The following TCHP variants were observed in gnomAD, a reference collection of about 807,000 sequenced individuals.
TCHP encodes the protein trichoplein keratin filament-binding protein.
TCHP carries 81 observed loss-of-function variants against 88.7 expected under a neutral mutation model. That is an observed-to-expected ratio of 0.91 (90% CI 0.76 to 1.10). The LOEUF (loss-of-function observed/expected upper bound fraction) is 1.10. TCHP is among the 50% of genes least tolerant of loss of function. The pLI is 0.00. For missense variants in TCHP, 641 were observed against 632.1 expected, an observed-to-expected ratio of 1.01 and a Z score of -0.15; for synonymous variants, 232 against 232.5, an observed-to-expected ratio of 1.00 and a Z score of 0.02.
At position 109,903,754 on chromosome 12, in the gene TCHP, G is replaced by A. The variant is rs1869951279; in HGVS notation, c.189-183G>A. On this transcript the variant is annotated intron_variant, in intron 2 of 12. Coordinates refer to ENST00000405876, the MANE Select transcript of TCHP (RefSeq NM_001143852.2). This position sits in a 1 kb window ranked among gnomAD's most constrained non-coding sequence, Gnocchi z 4.6. Reference sequence around the variant, plus strand: ...TTATACATTTATACATTTTCTTTTTGCAAAAAACAAGATTTTCTCTTACAC... The same window carrying A: ...TTATACATTTATACATTTTCTTTTTACAAAAAACAAGATTTTCTCTTACAC... 6.6e-6 allele frequency among the ~76,000 whole-genome samples: 1 copy of A among 151,988 alleles called. No homozygotes were observed. Among genetic ancestry groups the A allele is most frequent in the Admixed American group, 6.5e-5 (1 of 15,272 alleles).
intron 1 of TCHP, among the ~76,000 whole-genome samples, chr12:109,902,541 T>A (rs1939227442): frequency 6.6e-6 from 1 of 151,862 alleles, no homozygotes; most frequent in East Asian, 1.9e-4. Flanking sequence ...TGGGACAATC[T>A]TGGTTCACTG....
At chr12:109,896,196 C>T (rs977756365), upstream of TCHP, among the ~76,000 whole-genome samples, 1 of 152,188 alleles carries the variant, frequency 6.6e-6, no homozygotes, top group Non-Finnish European at 1.5e-5. Context: ...ATCCATCCGC[C>T]TTGGCCTCCC....
At position 109,905,200 on chromosome 12, in the gene TCHP, A is replaced by T. The variant is rs74725261; in HGVS notation, c.456+407A>T. Among the ~76,000 whole-genome samples, 1,347 of 152,140 alleles carry T rather than the reference A, an allele frequency of 8.9e-3. 23 individuals are homozygous for T. The highest frequency in any genetic ancestry group is 0.031 in the African/African-American group (1,291 of 41,490). ...TCCTGGGGTGGAAGAGTTTGAAGGG[A>T]TGTATGTGTGTAGAGGTGAGGAAAG... On this transcript the variant is annotated intron_variant, in intron 4 of 12. Transcript: ENST00000405876. This position sits in a 1 kb window ranked among gnomAD's most constrained non-coding sequence, Gnocchi z 4.0.
At chr12:109,880,769 G>C in the TCHP span, 1 of 152,438 alleles carries the variant, frequency 6.6e-6, no homozygotes, top group Non-Finnish European at 1.5e-5. The surrounding 1 kb of genome is among the most constrained non-coding windows in gnomAD (Gnocchi z 5.1). Flanking sequence ...CCCCCGGTTT[G>C]GCCCCCCAAT....
chr12:109,896,182 A>C (rs962733743), upstream of TCHP, among the ~76,000 whole-genome samples: 4 of 152,074 alleles, frequency 2.6e-5, no homozygotes, highest in Non-Finnish European at 4.4e-5. Flanking sequence ...CCTGACCTCA[A>C]GTGATCCATC....
chr12:109,907,221 CTT>C (rs1870187147), intron 5 of TCHP, among the ~76,000 whole-genome samples: 1 of 152,240 alleles, frequency 6.6e-6, no homozygotes, highest in Non-Finnish European at 1.5e-5. Flanking sequence ...TTTTGTCTCT[CTT>C]TTGATGAAAT....
At chr12:109,889,678 G>A in the TCHP span, among the ~76,000 whole-genome samples, 1 of 152,180 alleles carries the variant, frequency 6.6e-6, no homozygotes, top group African/African-American at 2.4e-5. Context: ...ATTTCAATGG[G>A]TTAATGTAGA....
the TCHP span, among the ~76,000 whole-genome samples, chr12:109,894,404 G>A: frequency 6.7e-6 from 1 of 149,938 alleles, no homozygotes; most frequent in South Asian, 2.1e-4. Context: ...AGCTTGCAGT[G>A]AGCCACCAAG....
rs1243107669 is a variant in TCHP at position 109,907,550 on chromosome 12, A to G, written c.550A>G (p.Asn184Asp). The change falls in exon 6 of 13, where the codon AAC becomes GAC. Residue 184 changes from asparagine to aspartate, a missense_variant. Coordinates refer to ENST00000405876, the MANE Select transcript of TCHP (RefSeq NM_001143852.2). ...KQQEATAEQE[N>D]KRYENEYERA... ...GCAAGAAGCCACCGCAGAGCAAGAG[A>G]ACAAACGGTATGAAAATGAATATGA... is the stretch of plus-strand genomic sequence containing the variant. 23 of 1,614,052 alleles carry G rather than the reference A, an allele frequency of 1.4e-5. No homozygotes were observed. The Admixed American group carries it at 3.7e-4, about 26-fold the overall frequency.
chr12:109,914,335 A>C, intron 10 of TCHP, 107 bp from the exon 11 acceptor site: 4 of 1,051,634 alleles, frequency 3.8e-6, no homozygotes, highest in Non-Finnish European at 4.1e-6. Context: ...CCTGAGGCCC[A>C]AGGATGAGGC....
chr12:109,902,535 A>G (rs1361200461), intron 1 of TCHP, among the ~76,000 whole-genome samples: 2 of 151,680 alleles, frequency 1.3e-5, no homozygotes, highest in Non-Finnish European at 2.9e-5. Flanking sequence ...GTGCAGTGGG[A>G]CAATCTTGGT....
chr12:109,905,780 GA>G lies in TCHP; in HGVS notation c.457-790del, dbSNP rs1244965713. On this transcript the variant is annotated intron_variant, in intron 4 of 12. Coordinates refer to ENST00000405876, the MANE Select transcript of TCHP (RefSeq NM_001143852.2). The surrounding 1 kb of genome is among the most constrained non-coding windows in gnomAD (Gnocchi z 4.0). ...CTCCTTAGCCCTGTTGGCTTCGGTG[GA>G]ATCATCCAGAGCCGTTAAATCAGAA... 6.6e-6 allele frequency among the ~76,000 whole-genome samples: 1 copy of G among 152,174 alleles called. No individual in the cohort carries two copies. The highest frequency in any genetic ancestry group is 1.5e-5 in the Non-Finnish European group (1 of 68,044).
chr12:109,914,727 C>T (rs1219341596), intron 11 of TCHP, 100 bp downstream of exon 11: 12 of 1,023,484 alleles, frequency 1.2e-5, no homozygotes, highest in East Asian at 5.1e-5. Flanking sequence ...GCAGGGCTTG[C>T]GCACGTTTGA....
chr12:109,893,279 TGA>T, the TCHP span, among the ~76,000 whole-genome samples: 1 of 151,496 alleles, frequency 6.6e-6, no homozygotes, highest in African/African-American at 2.4e-5. Context: ...CTCAGGAGAC[TGA>T]GACAGGAGAA....
chr12:109,897,618 C>T (rs973049709), upstream of TCHP, among the ~76,000 whole-genome samples: 18 of 150,878 alleles, frequency 1.2e-4, no homozygotes, highest in East Asian at 1.4e-3. Flanking sequence ...TGGAGTTCAG[C>T]GGTCAGATCT....
upstream of TCHP, among the ~76,000 whole-genome samples, chr12:109,898,620 C>T (rs1042958287): frequency 2.6e-5 from 4 of 152,124 alleles, no homozygotes; most frequent in Non-Finnish European, 4.4e-5. Context: ...GAAACCTGGG[C>T]GTTCTGACTG....
rs1869957275 is a variant in TCHP at position 109,903,853 on chromosome 12, A to G, written c.189-84A>G. 2 of 1,119,116 alleles carry G rather than the reference A, an allele frequency of 1.8e-6. No homozygotes were observed. The highest frequency in any genetic ancestry group is 2.6e-6 in the Non-Finnish European group (2 of 757,656). The allele number at this position is 1,119,116 out of a possible 1,614,324, so 69.3% of individuals were successfully genotyped here. A position where few individuals can be genotyped will look rare whatever the true frequency, so the allele number is the denominator to read the frequency against. ...TGTGTCGTCATGACACATCTACCTC[A>G]GCCTCTTTTACCGACACAGCAGAGC... On this transcript the variant is annotated intron_variant, in intron 2 of 12. Transcript: ENST00000405876. The surrounding 1 kb of genome is among the most constrained non-coding windows in gnomAD (Gnocchi z 4.6).
intron 9 of TCHP, among the ~76,000 whole-genome samples, chr12:109,912,237 G>A (rs1265959144): frequency 6.6e-6 from 1 of 152,152 alleles, no homozygotes; most frequent in Admixed American, 6.5e-5. Flanking sequence ...ACACTGTGCC[G>A]GGTGCTTTAC....
At chr12:109,887,543 T>C in the TCHP span, among the ~76,000 whole-genome samples, 1 of 152,146 alleles carries the variant, frequency 6.6e-6, no homozygotes, top group Admixed American at 6.5e-5. Context: ...GTGAGAAACC[T>C]GGTGTTCTCC....
Sources: allele counts gnomAD v4.1 joint callset (sites outside exome capture counted in the v4.1 genomes callset), GRCh38; gene constraint gnomAD v4.1.1; non-coding constraint Gnocchi (gnomAD v3.1); transcripts MANE v1.5; gene names NCBI Gene and HGNC (gene_info 2026-07-23, HGNC 2026-07-21).